The following TSPAN15 variants were observed in gnomAD, a reference collection of about 807,000 sequenced individuals.
TSPAN15 encodes the protein tetraspanin 15, also known as tetraspanin-15.
In TSPAN15, 20 loss-of-function variants were observed where a neutral mutation model predicts 34.5. The ratio of observed to expected loss-of-function variants is 0.58; its 90% CI spans 0.41 to 0.84. The LOEUF (loss-of-function observed/expected upper bound fraction) is 0.84, where lower values mean the gene tolerates loss of function less well. TSPAN15 is among the 40% of genes least tolerant of loss of function. The pLI is 0.00. For synonymous variants in TSPAN15, 155 were observed against 153.9 expected, an observed-to-expected ratio of 1.01 and a Z score of -0.05; for missense variants, 313 against 386.1, an observed-to-expected ratio of 0.81 and a Z score of 1.59.
chr10:69,480,351 A>G (rs745827117), intron 1 of TSPAN15, among the ~76,000 whole-genome samples: 1 of 152,184 alleles, frequency 6.6e-6, no homozygotes, highest in Non-Finnish European at 1.5e-5. Flanking sequence ...TTTTTTTACA[A>G]CAGGGAACAC....
the TSPAN15 span, among the ~76,000 whole-genome samples, chr10:69,539,525 A>G: frequency 1.0e-3 from 120 of 114,922 alleles, 2 homozygotes; most frequent in East Asian, 9.1e-3. Flanking sequence ...AAGAAGAAGA[A>G]GAAGAAGAAG....
chr10:69,453,650 T>C (rs1046257829), intron 1 of TSPAN15, among the ~76,000 whole-genome samples: 1 of 152,258 alleles, frequency 6.6e-6, no homozygotes, highest in African/African-American at 2.4e-5. Flanking sequence ...ATTAGTGATA[T>C]GGGGAAAGAG....
intron 3 of TSPAN15, among the ~76,000 whole-genome samples, chr10:69,491,434 G>A (rs1308124755): frequency 6.6e-6 from 1 of 152,186 alleles, no homozygotes; most frequent in African/African-American, 2.4e-5. Context: ...TGCAATCACA[G>A]CTCATTGCAG....
the TSPAN15 span, among the ~76,000 whole-genome samples, chr10:69,532,799 C>A: frequency 6.6e-6 from 1 of 152,148 alleles, no homozygotes; most frequent in East Asian, 1.9e-4. Flanking sequence ...GGACTAATAT[C>A]CAGAATCTAC....
chr10:69,510,284 AGGTCTTT>A (rs1441432473), downstream of TSPAN15, among the ~76,000 whole-genome samples: 1 of 152,184 alleles, frequency 6.6e-6, no homozygotes, highest in Non-Finnish European at 1.5e-5. Flanking sequence ...CTCCTTGAAG[AGGTCTTT>A]GACATCCCTT....
the TSPAN15 span, among the ~76,000 whole-genome samples, chr10:69,530,820 C>CTCTCTCTCTA: frequency 9.7e-4 from 30 of 30,776 alleles, no homozygotes; most frequent in Non-Finnish European, 1.4e-3. Flanking sequence ...CTCTCTCTCT[C>CTCTCTCTCTA]TATATATATA....
chr10:69,529,169 G>T, the TSPAN15 span, among the ~76,000 whole-genome samples: 2 of 148,112 alleles, frequency 1.4e-5, no homozygotes, highest in Non-Finnish European at 3.0e-5. Context: ...TCCTTCCCGG[G>T]TTCCCAAGAG....
At chr10:69,549,197 C>T in the TSPAN15 span, among the ~76,000 whole-genome samples, 1 of 152,060 alleles carries the variant, frequency 6.6e-6, no homozygotes, top group Non-Finnish European at 1.5e-5. Context: ...TGCTAATCTG[C>T]CATGTTGACT....
chr10:69,501,644 C>T (rs542772196), intron 5 of TSPAN15, among the ~76,000 whole-genome samples: 53 of 152,344 alleles, frequency 3.5e-4, no homozygotes, highest in Non-Finnish European at 6.0e-4. Context: ...GCTATCTAAG[C>T]CTCAGGACCT....
At chr10:69,543,284 T>C in the TSPAN15 span, among the ~76,000 whole-genome samples, 38,032 of 152,144 alleles carry the variant, frequency 0.25, 4,953 homozygotes, top group East Asian at 0.31. Flanking sequence ...CCTGCCCCAG[T>C]GTCAGCCCTT....
chr10:69,490,052 C>T (rs7070665), intron 3 of TSPAN15, among the ~76,000 whole-genome samples: 57,121 of 151,926 alleles, frequency 0.38, 11,439 homozygotes, highest in Non-Finnish European at 0.44. Flanking sequence ...GTCTATACCC[C>T]CATCCCAGGC....
At chr10:69,498,759 A>G (rs1386962083) in intron 5 of TSPAN15, among the ~76,000 whole-genome samples, 2 of 152,212 alleles carry the variant, frequency 1.3e-5, no homozygotes, top group African/African-American at 4.8e-5. Flanking sequence ...TGAGGCACTC[A>G]AAGGCTGGGT....
chr10:69,473,598 G>A (rs1841552206), intron 1 of TSPAN15, among the ~76,000 whole-genome samples: 1 of 152,164 alleles, frequency 6.6e-6, no homozygotes, highest in Non-Finnish European at 1.5e-5. Flanking sequence ...CGGAGCAGTA[G>A]AGCAACCCTT....
chr10:69,505,024 G>T (rs1842295137), intron 6 of TSPAN15, among the ~76,000 whole-genome samples: 2 of 152,190 alleles, frequency 1.3e-5, no homozygotes, highest in South Asian at 4.1e-4. Flanking sequence ...CCCTAGGAAT[G>T]TGAGAAATGC....
the TSPAN15 span, among the ~76,000 whole-genome samples, chr10:69,532,410 A>G: frequency 3.9e-5 from 6 of 152,226 alleles, no homozygotes; most frequent in Admixed American, 3.9e-4. Context: ...AACAAAGCAA[A>G]CAAAAACATA....
intron 3 of TSPAN15, among the ~76,000 whole-genome samples, chr10:69,492,793 G>A (rs1257745000): frequency 6.6e-6 from 1 of 152,190 alleles, no homozygotes; most frequent in East Asian, 1.9e-4. Flanking sequence ...ATCCCACCCT[G>A]TTGGCAGCCC....
chr10:69,481,787 T>C (rs1053566423), intron 1 of TSPAN15, among the ~76,000 whole-genome samples: 4 of 152,218 alleles, frequency 2.6e-5, no homozygotes, highest in Non-Finnish European at 5.9e-5. Context: ...CATGTTGCCT[T>C]CAGCTTAGTG....
the TSPAN15 span, among the ~76,000 whole-genome samples, chr10:69,547,403 T>G: frequency 5.3e-5 from 8 of 152,374 alleles, no homozygotes; most frequent in East Asian, 1.9e-4. Flanking sequence ...CTGGGAGAGA[T>G]AAACATGAAT....
chr10:69,460,293 G>A (rs10998793), intron 1 of TSPAN15, among the ~76,000 whole-genome samples: 8,827 of 152,178 alleles, frequency 0.058, 369 homozygotes, highest in Middle Eastern at 0.16. Context: ...GCGGGGCCAG[G>A]CAGGCCGTCT....
Sources: allele counts gnomAD v4.1 joint callset (sites outside exome capture counted in the v4.1 genomes callset), GRCh38; gene constraint gnomAD v4.1.1; transcripts MANE v1.5; gene names NCBI Gene and HGNC (gene_info 2026-07-23, HGNC 2026-07-21).